CUBN: variants seen among roughly 807,000 people sequenced by gnomAD.
CUBN encodes the protein 460 kDa receptor.
A neutral mutation model predicts 405.3 loss-of-function variants in CUBN; 282 were observed. That is an observed-to-expected ratio of 0.70 (90% confidence interval 0.63 to 0.77). The LOEUF (loss-of-function observed/expected upper bound fraction) is 0.77. Ranked by LOEUF, CUBN falls within the 30% of genes least tolerant of loss-of-function variation. The pLI is 0.00. For missense variants in CUBN, 4,514 were observed against 4,475.2 expected (o/e 1.01, Z -0.25); for synonymous variants, 1,684 against 1,617.0 (o/e 1.04, Z -0.99).
chr10:16,967,103 C>T (rs1707275), intron 31 of CUBN, among the ~76,000 whole-genome samples: 52,400 of 151,954 alleles, frequency 0.34, 9,220 homozygotes, highest in Middle Eastern at 0.45. Context: ...TATAGCATCT[C>T]TTCTTGGGGC....
chr10:17,064,741 T>C (rs1835575361), intron 22 of CUBN, among the ~76,000 whole-genome samples: 1 of 152,176 alleles, frequency 6.6e-6, no homozygotes, highest in Non-Finnish European at 1.5e-5. Context: ...GGTTCACATC[T>C]TACCTCAAAG....
rs145464293 is a variant in CUBN, at chr10:16,932,598, A to C, written c.6124+489T>G. On this transcript the variant is annotated intron_variant, in intron 40 of 66. Transcript: ENST00000377833. Reference sequence around the variant, plus strand: ...TACATTACTATTTTATATTCTTCTTATTATTATTTTAGAGACAGGGTCTCA... The same window carrying C: ...TACATTACTATTTTATATTCTTCTTCTTATTATTTTAGAGACAGGGTCTCA... Among the ~76,000 whole-genome samples, 529 of 152,234 alleles carry C rather than the reference A, an allele frequency of 3.5e-3. 3 individuals are homozygous for C. The highest frequency in any genetic ancestry group is 5.9e-3 in the Non-Finnish European group (400 of 68,006).
chr10:16,843,166 A>T (rs1282870619), intron 60 of CUBN, among the ~76,000 whole-genome samples: 1 of 152,236 alleles, frequency 6.6e-6, no homozygotes, highest in African/African-American at 2.4e-5. Context: ...GCCAGCACCC[A>T]GAACAATTCC....
At chr10:16,999,227 A>T (rs1283972259) in intron 28 of CUBN, among the ~76,000 whole-genome samples, 1 of 152,202 alleles carries the variant, frequency 6.6e-6, no homozygotes, top group Non-Finnish European at 1.5e-5. Flanking sequence ...GATGGCCTAG[A>T]TCTAAATACT....
chr10:16,956,511 C>G (rs1488539512), intron 31 of CUBN, among the ~76,000 whole-genome samples: 1 of 151,928 alleles, frequency 6.6e-6, no homozygotes, highest in Non-Finnish European at 1.5e-5. Flanking sequence ...TAAACCATCA[C>G]TACAAAACCT....
intron 28 of CUBN, among the ~76,000 whole-genome samples, chr10:16,991,770 G>A: frequency 6.6e-6 from 1 of 152,028 alleles, no homozygotes; most frequent in Non-Finnish European, 1.5e-5. Context: ...TGGAGAAATA[G>A]GAACACTTTT....
intron 27 of CUBN, among the ~76,000 whole-genome samples, chr10:17,026,502 G>A (rs540809560): frequency 1.2e-4 from 19 of 152,068 alleles, no homozygotes; most frequent in East Asian, 3.9e-4. Flanking sequence ...GTGTGGTGGC[G>A]TACGCCTGTA....
chr10:17,113,587 A>G (rs1188077864), intron 8 of CUBN, among the ~76,000 whole-genome samples: 2 of 152,198 alleles, frequency 1.3e-5, no homozygotes, highest in Non-Finnish European at 2.9e-5. Context: ...ATGGAGCTGG[A>G]TACCTCTGTT....
chr10:16,826,296 A>G (rs1482182308), intron 66 of CUBN, among the ~76,000 whole-genome samples: 7 of 150,494 alleles, frequency 4.7e-5, no homozygotes, highest in African/African-American at 1.2e-4. Context: ...TTTAACAAAC[A>G]TATTTACATA....
At chr10:16,840,301 G>T in intron 62 of CUBN, 29 bp downstream of exon 62, 1 of 1,569,792 alleles carries the variant, frequency 6.4e-7, no homozygotes, top group Non-Finnish European at 8.8e-7. Context: ...GTCACTAGAT[G>T]TGACTGCCAT....
chr10:16,824,677 C>T lies in CUBN; in HGVS notation c.*298G>A, dbSNP rs529415832. On this transcript the variant is annotated 3_prime_UTR_variant, in exon 67 of 67. Transcript: ENST00000377833. ...CTGGAATTACAGGCACCCACCACCA[C>T]GCCTGGCTAATTATTATATTGTTAG... is the stretch of plus-strand genomic sequence containing the variant. 19 of 355,884 alleles carry T rather than the reference C, an allele frequency of 5.3e-5. No individual in the cohort carries two copies. The highest frequency in any genetic ancestry group is 1.0e-3 in the Middle Eastern group (1 of 988). The allele number at this position is 355,884 out of a possible 1,614,324, so 22.0% of individuals were successfully genotyped here. A position where few individuals can be genotyped will look rare whatever the true frequency, so the allele number is the denominator to read the frequency against.
At chr10:16,901,196 T>A (rs1588632535) in intron 52 of CUBN, 142 bp downstream of exon 52, 2 of 1,191,812 alleles carry the variant, frequency 1.7e-6, no homozygotes, top group East Asian at 4.7e-5. Flanking sequence ...AGTGAGAAAA[T>A]GTTAGGGAAA....
chr10:16,901,170 C>T (rs1273058914), intron 52 of CUBN, among the ~76,000 whole-genome samples, 168 bp downstream of exon 52: 1 of 152,156 alleles, frequency 6.6e-6, no homozygotes, highest in Non-Finnish European at 1.5e-5. Flanking sequence ...ATAATAAATG[C>T]CAATGTATGT....
At chr10:16,946,089 T>C (rs1842772303) in intron 36 of CUBN, among the ~76,000 whole-genome samples, 2 of 152,240 alleles carry the variant, frequency 1.3e-5, no homozygotes, top group African/African-American at 4.8e-5. Flanking sequence ...AAGTTACTTA[T>C]ATTCGCTTCA....
At chr10:16,956,106 T>C (rs1325715051) in intron 31 of CUBN, among the ~76,000 whole-genome samples, 2 of 152,226 alleles carry the variant, frequency 1.3e-5, no homozygotes, top group African/African-American at 4.8e-5. Context: ...ATCAGTGTTC[T>C]GTTTAGCACA....
chr10:16,956,687 G>T (rs1239289891), intron 31 of CUBN, among the ~76,000 whole-genome samples: 2 of 151,962 alleles, frequency 1.3e-5, no homozygotes. Context: ...TAATATCAAA[G>T]GATAATGAAT....
chr10:17,061,912 T>C (rs1003411178), intron 22 of CUBN, among the ~76,000 whole-genome samples: 1 of 152,210 alleles, frequency 6.6e-6, no homozygotes, highest in Non-Finnish European at 1.5e-5. Flanking sequence ...AGTTGTTTAG[T>C]CTGACTTTCA....
intron 36 of CUBN, among the ~76,000 whole-genome samples, chr10:16,941,852 T>C (rs1440018381): frequency 6.6e-6 from 1 of 151,784 alleles, no homozygotes; most frequent in Non-Finnish European, 1.5e-5. Context: ...AAAATATATA[T>C]ATATTTAAAA....
At position 17,079,235 on chromosome 10, in the gene CUBN, C is replaced by T. The variant is rs1029845689; in HGVS notation, c.2301+5036G>A. ...TCCAATATGCTCAAGAATGCAAACT[C>T]TTTTTTTTTTTTTTTTTTTAGATGG... On this transcript the variant is annotated intron_variant, in intron 17 of 66. Transcript: ENST00000377833. 2.4e-3 allele frequency among the ~76,000 whole-genome samples: 305 copies of T among 124,498 alleles called. 3 individuals are homozygous for T. Among genetic ancestry groups the T allele is most frequent in the Non-Finnish European group, 4.3e-3 (266 of 61,382 alleles). The allele number at this position is 124,498 out of a possible 152,430, so 81.7% of individuals were successfully genotyped here.
Sources: allele counts gnomAD v4.1 joint callset (sites outside exome capture counted in the v4.1 genomes callset), GRCh38; gene constraint gnomAD v4.1.1; transcripts MANE v1.5; gene names NCBI Gene and HGNC (gene_info 2026-07-23, HGNC 2026-07-21).